The following XCR1 variants were observed in gnomAD, a reference collection of about 807,000 sequenced individuals.
The protein encoded by XCR1 is chemokine XC receptor 1.
For synonymous variants in XCR1, 187 were observed against 188.5 expected (o/e 0.99, Z 0.06); for missense variants, 356 against 424.2 (o/e 0.84, Z 1.41).
chr3:46,030,628 T>C (rs1708377820), upstream of XCR1, among the ~76,000 whole-genome samples: 1 of 152,238 alleles, frequency 6.6e-6, no homozygotes, highest in South Asian at 2.1e-4. Flanking sequence ...TTGGATTATA[T>C]GATAATAATG....
chr3:46,051,616 A>G (rs1377313466), intron 5 of XCR1, among the ~76,000 whole-genome samples: 1 of 152,232 alleles, frequency 6.6e-6, no homozygotes, highest in Non-Finnish European at 1.5e-5. Flanking sequence ...TGTGCTCCCA[A>G]ACCCTTTATT....
chr3:46,030,833 T>C (rs921047835), upstream of XCR1, among the ~76,000 whole-genome samples: 3 of 152,252 alleles, frequency 2.0e-5, no homozygotes, highest in African/African-American at 7.2e-5. Context: ...GGGCAGGACC[T>C]ACTCTCAGGC....
intron 4 of XCR1, among the ~76,000 whole-genome samples, chr3:46,062,017 G>A (rs1697972597): frequency 6.6e-6 from 1 of 152,140 alleles, no homozygotes; most frequent in South Asian, 2.1e-4. Flanking sequence ...TGAAGGGAGT[G>A]CCATAAGCTT....
intron 1 of XCR1, among the ~76,000 whole-genome samples, chr3:46,025,970 T>C (rs1256293983): frequency 6.6e-6 from 1 of 152,128 alleles, no homozygotes; most frequent in Non-Finnish European, 1.5e-5. Flanking sequence ...AAAAGAATAA[T>C]ATAACATGAC....
chr3:46,050,122 G>A (rs1238205902), intron 5 of XCR1, among the ~76,000 whole-genome samples: 1 of 152,206 alleles, frequency 6.6e-6, no homozygotes, highest in East Asian at 1.9e-4. Context: ...GAGAGTTGGG[G>A]GTAGGAAGAA....
intron 1 of XCR1, among the ~76,000 whole-genome samples, chr3:46,084,820 A>G (rs1276058162): frequency 6.6e-6 from 1 of 152,234 alleles, no homozygotes; most frequent in African/African-American, 2.4e-5. Context: ...TGGGGTAAGA[A>G]TTGAACAACT....
intron 5 of XCR1, among the ~76,000 whole-genome samples, chr3:46,045,956 G>A (rs1222286767): frequency 1.3e-5 from 2 of 152,186 alleles, no homozygotes; most frequent in African/African-American, 4.8e-5. Flanking sequence ...CAAAGATATG[G>A]AATCAATCTA....
upstream of XCR1, among the ~76,000 whole-genome samples, chr3:46,031,195 G>T (rs560397590): frequency 6.6e-6 from 1 of 152,328 alleles, no homozygotes; most frequent in East Asian, 1.9e-4. Context: ...TGGGAGCTAG[G>T]AACAGGCAGG....
At chr3:46,044,727 A>G (rs1290186672) in intron 5 of XCR1, among the ~76,000 whole-genome samples, 1 of 152,236 alleles carries the variant, frequency 6.6e-6, no homozygotes, top group Non-Finnish European at 1.5e-5. Flanking sequence ...GAACAACTCT[A>G]TGCCTGCAAA....
intron 5 of XCR1, among the ~76,000 whole-genome samples, chr3:46,052,930 A>G (rs1697776242): frequency 6.6e-6 from 1 of 152,224 alleles, no homozygotes; most frequent in Admixed American, 6.5e-5. Context: ...AGGCGCATTT[A>G]GTGGCCTGTG....
intron 5 of XCR1, among the ~76,000 whole-genome samples, chr3:46,047,720 G>T (rs1463967419): frequency 6.6e-6 from 1 of 152,202 alleles, no homozygotes; most frequent in Admixed American, 6.5e-5. Context: ...AAGCAATCTG[G>T]GTGGCAGACT....
At position 46,021,480 on chromosome 3, in the gene XCR1, G is replaced by A. The variant is rs770851613; in HGVS notation, c.468C>T (p.Ala156=). 3.7e-6 allele frequency: 6 copies of A among 1,613,774 alleles called. No homozygotes were observed. In the East Asian group the frequency reaches 1.1e-4, roughly 30 times the overall value. Residue 156 remains alanine, a synonymous_variant, in exon 2 of 2, where the codon GCC becomes GCT. Transcript: ENST00000309285. The surrounding 1 kb of genome is among the most constrained non-coding windows in gnomAD (Gnocchi z 4.7). Reference sequence around the variant, plus strand: ...TGTCGAGGATGGAGGACAGGATGCTGGCTACCCACACAGCCATGGTCACCA... The same window carrying A: ...TGTCGAGGATGGAGGACAGGATGCTAGCTACCCACACAGCCATGGTCACCA... The part of the protein sequence containing the change: ...RVLVTMAVWV[A]SILSSILDTI...
chr3:46,074,214 CTTTTTTTTT>C (rs35124592), intron 3 of XCR1, among the ~76,000 whole-genome samples: 9,607 of 86,780 alleles, frequency 0.11, 721 homozygotes, highest in African/African-American at 0.27. Context: ...TGAAGGCCAT[CTTTTTTTTT>C]TTTTTTTTTT....
upstream of XCR1, among the ~76,000 whole-genome samples, chr3:46,029,308 A>ATCC (rs1708358839): frequency 1.3e-5 from 2 of 152,096 alleles, no homozygotes; most frequent in African/African-American, 4.8e-5. Flanking sequence ...GGCCTAAGTG[A>ATCC]TCCTCCTACT....
At chr3:46,057,882 G>GTCTGTCTATCTATCTGTCTA (rs1553634097) in intron 4 of XCR1, among the ~76,000 whole-genome samples, 5 of 134,800 alleles carry the variant, frequency 3.7e-5, no homozygotes, top group Admixed American at 3.6e-4. Context: ...TTATCTGTCT[G>GTCTGTCTATCTATCTGTCTA]TCTATCTATC....
intron 3 of XCR1, among the ~76,000 whole-genome samples, chr3:46,068,482 G>T (rs1698113097): frequency 6.6e-6 from 1 of 152,014 alleles, no homozygotes; most frequent in South Asian, 2.1e-4. Flanking sequence ...TACTTTGATT[G>T]ATCTTGTTAT....
chr3:46,026,763 T>C (rs1364248482), intron 1 of XCR1, among the ~76,000 whole-genome samples: 1 of 152,052 alleles, frequency 6.6e-6, no homozygotes, highest in Non-Finnish European at 1.5e-5. Flanking sequence ...TTTGTATTTT[T>C]AGTAGAGACG....
At chr3:46,026,583 CTTCT>C (rs1183607805) in intron 1 of XCR1, among the ~76,000 whole-genome samples, 16 of 150,486 alleles carry the variant, frequency 1.1e-4, no homozygotes, top group African/African-American at 3.7e-4. Context: ...TTTTCTTCTT[CTTCT>C]TTTTTTTTTT....
chr3:46,055,736 G>A (rs572069959), intron 4 of XCR1, among the ~76,000 whole-genome samples: 5 of 152,208 alleles, frequency 3.3e-5, no homozygotes, highest in South Asian at 4.2e-4. Context: ...CCTGGATTCC[G>A]TAATTTCAAG....
Sources: allele counts gnomAD v4.1 joint callset (sites outside exome capture counted in the v4.1 genomes callset), GRCh38; gene constraint gnomAD v4.1.1; non-coding constraint Gnocchi (gnomAD v3.1); transcripts MANE v1.5; gene names NCBI Gene and HGNC (gene_info 2026-07-23, HGNC 2026-07-21).